The following ROBO2 variants were observed in gnomAD, a reference collection of about 807,000 sequenced individuals.
ROBO2 encodes the protein roundabout homolog 2.
In ROBO2, 53 loss-of-function variants were observed where a neutral mutation model predicts 160.8. That is an observed-to-expected ratio of 0.33 (90% CI 0.26 to 0.41). The LOEUF is 0.41. Among genes scored for constraint, ROBO2 ranks in the 10% least tolerant of loss-of-function variants. ROBO2 has a pLI of 1.00. For synonymous variants in ROBO2, 664 were observed against 611.7 expected, an observed-to-expected ratio of 1.09 and a Z score of -1.26; for missense variants, 1,577 against 1,722.4, an observed-to-expected ratio of 0.92 and a Z score of 1.49.
At chr3:77,637,973 A>G (rs1000162180) in intron 24 of ROBO2, among the ~76,000 whole-genome samples, 4 of 152,196 alleles carry the variant, frequency 2.6e-5, no homozygotes, top group African/African-American at 9.6e-5. Flanking sequence ...GTTATGGATT[A>G]TGTGTTATTA....
At chr3:76,773,382 G>A (rs1451585511) in intron 2 of ROBO2, among the ~76,000 whole-genome samples, 3 of 150,654 alleles carry the variant, frequency 2.0e-5, no homozygotes, top group Non-Finnish European at 3.0e-5. Flanking sequence ...GTACAGATAT[G>A]TTTTATTCTT....
intron 2 of ROBO2, among the ~76,000 whole-genome samples, chr3:76,229,165 G>C (rs1447984477): frequency 6.6e-6 from 1 of 151,970 alleles, no homozygotes; most frequent in Non-Finnish European, 1.5e-5. Context: ...ATTTAATGTT[G>C]AATTATTAGA....
chr3:76,333,411 A>G (rs931688867), intron 2 of ROBO2, among the ~76,000 whole-genome samples: 9 of 152,154 alleles, frequency 5.9e-5, no homozygotes, highest in African/African-American at 2.2e-4. Flanking sequence ...TTGCATTTCC[A>G]TTTGTCTAGC....
chr3:76,416,425 TG>T (rs138359784), intron 2 of ROBO2, among the ~76,000 whole-genome samples: 7 of 151,822 alleles, frequency 4.6e-5, no homozygotes, highest in South Asian at 2.1e-4. Context: ...TGTGTGTGTG[TG>T]GGGGGGAAAT....
intron 2 of ROBO2, among the ~76,000 whole-genome samples, chr3:75,941,052 G>A (rs9860817): frequency 0.42 from 64,177 of 151,960 alleles, 14,797 homozygotes; most frequent in South Asian, 0.65. Flanking sequence ...CAGCCTCCTG[G>A]TAGCTATGAC....
Position 76,673,698 on chromosome 3 carries a change from T to G in ROBO2, c.110-424316T>G, listed in dbSNP as rs145501688. On this transcript the variant is annotated intron_variant, in intron 2 of 26. Transcript: ENST00000487694. ...GGATTTTCTTTCATCATTATAAGTT[T>G]CTAGGACCAATAGGATCGTTTTTTT... Among the ~76,000 whole-genome samples, 1,197 of 152,208 alleles carry G rather than the reference T, an allele frequency of 7.9e-3. 17 individuals carry two copies. Among genetic ancestry groups the G allele is most frequent in the African/African-American group, 0.026 (1,089 of 41,544 alleles).
rs148053892 is a variant in ROBO2 at position 76,001,538 on chromosome 3, A to ATG, written c.109+63950_109+63951dup. Among the ~76,000 whole-genome samples, 19 of 150,910 alleles carry ATG rather than the reference A, an allele frequency of 1.3e-4. No individual in the cohort carries two copies. In the Middle Eastern group the frequency reaches 0.01, roughly 82 times the overall value. On this transcript the variant is annotated intron_variant, in intron 2 of 26. Transcript: ENST00000487694. ...TGTGTGTGTGTGTGTGTATGTGTGTATGTGTGTGTGTGTGTCTGTGGCAGG... is the reference window on the plus strand; with the variant it reads ...TGTGTGTGTGTGTGTGTATGTGTGTATGTGTGTGTGTGTGTGTCTGTGGCAGG...
At chr3:77,014,182 G>T (rs1050728188) in intron 2 of ROBO2, among the ~76,000 whole-genome samples, 1 of 151,810 alleles carries the variant, frequency 6.6e-6, no homozygotes, top group African/African-American at 2.4e-5. Flanking sequence ...TAAACATATA[G>T]TCAACAGACT....
At chr3:77,121,144 C>A (rs541974160) in intron 2 of ROBO2, among the ~76,000 whole-genome samples, 36 of 152,022 alleles carry the variant, frequency 2.4e-4, no homozygotes, top group Middle Eastern at 3.4e-3. Flanking sequence ...GGGGTTTCAC[C>A]ATGTTGGCCA....
intron 2 of ROBO2, among the ~76,000 whole-genome samples, chr3:76,663,906 GA>G (rs553889408): frequency 4.6e-4 from 64 of 140,224 alleles, no homozygotes; most frequent in Middle Eastern, 7.4e-3. Context: ...TCCATCTCAG[GA>G]AAAAAAAAAA....
At chr3:77,074,810 T>C (rs4459934) in intron 1 of ROBO2, among the ~76,000 whole-genome samples, 74,053 of 152,000 alleles carry the variant, frequency 0.49, 20,489 homozygotes, top group East Asian at 0.79. Context: ...CATAAATGTC[T>C]CTAAGGGCAG....
intron 2 of ROBO2, among the ~76,000 whole-genome samples, chr3:76,018,561 GTA>G (rs2066470414): frequency 6.6e-6 from 1 of 150,846 alleles, no homozygotes. Flanking sequence ...TTGCTTTTTT[GTA>G]TGTTTTAAAT....
rs1439298071 is a variant in ROBO2, at chr3:77,416,038, CTTG to C, written c.389-61374_389-61372del. Reference sequence around the variant, plus strand: ...CCTACTGTTTGGTGGGTTCCGTGTTCTTGTCCCACAACCAAGAAGGATGAGATT... The same window carrying C: ...CCTACTGTTTGGTGGGTTCCGTGTTCTCCCACAACCAAGAAGGATGAGATT... On this transcript the variant is annotated intron_variant, in intron 2 of 25. Coordinates refer to ENST00000461745, the Ensembl canonical transcript of ROBO2. Among the ~76,000 whole-genome samples, 11 of 152,270 alleles carry C rather than the reference CTTG, an allele frequency of 7.2e-5. No homozygotes were observed. In the East Asian group the frequency reaches 1.9e-3, roughly 27 times the overall value.
intron 1 of ROBO2, among the ~76,000 whole-genome samples, chr3:77,057,990 T>TA (rs1289387558): frequency 3.3e-5 from 5 of 150,980 alleles, no homozygotes; most frequent in Admixed American, 6.6e-5. Context: ...AAAGTAAAAT[T>TA]AAAAAAAAAG....
chr3:76,185,427 G>C (rs1460611621), intron 2 of ROBO2, among the ~76,000 whole-genome samples: 1 of 151,700 alleles, frequency 6.6e-6, no homozygotes, highest in African/African-American at 2.4e-5. Context: ...GCTGGGATGA[G>C]AGAAAGGAGG....
At chr3:76,592,378 C>A (rs2086468125) in intron 2 of ROBO2, among the ~76,000 whole-genome samples, 1 of 152,024 alleles carries the variant, frequency 6.6e-6, no homozygotes, top group African/African-American at 2.4e-5. Context: ...AACAAACTAA[C>A]CTAGACAGAT....
chr3:76,345,254 A>T (rs1422748368), intron 2 of ROBO2, among the ~76,000 whole-genome samples: 1 of 152,088 alleles, frequency 6.6e-6, no homozygotes, highest in Non-Finnish European at 1.5e-5. Flanking sequence ...TGGAGACCCA[A>T]GTCATGGGAA....
chr3:77,391,069 C>T lies in ROBO2; in HGVS notation c.389-86345C>T, dbSNP rs868037392. Among the ~76,000 whole-genome samples the T allele has an allele frequency of 2.0e-4, 31 of 152,136 alleles. No individual in the cohort carries two copies. The Middle Eastern group carries it at 0.01, about 50-fold the overall frequency. ...GCATCCCCCTCAAAAGGCATTAATT[C>T]CACTCCCAGGTTCTTTCTCTCTGTT... On this transcript the variant is annotated intron_variant, in intron 2 of 25. Coordinates refer to ENST00000461745, the Ensembl canonical transcript of ROBO2.
chr3:77,316,233 GAAGA>G (rs1184636395), intron 2 of ROBO2, among the ~76,000 whole-genome samples: 3 of 152,122 alleles, frequency 2.0e-5, no homozygotes, highest in African/African-American at 7.2e-5. Context: ...AAATGGCACG[GAAGA>G]AACAGTGACC....
Sources: gnomAD v4.1 joint callset for allele counts (sites outside exome capture counted in the v4.1 genomes callset) on GRCh38, gnomAD v4.1.1 for gene constraint, MANE v1.5 for transcripts, NCBI Gene and HGNC (gene_info 2026-07-23, HGNC 2026-07-21) for gene names.